Variants in FGGY observed in about 807,000 individuals in gnomAD.
FGGY encodes FGGY carbohydrate kinase domain-containing protein.
A neutral mutation model predicts 71.3 loss-of-function variants in FGGY; 72 were observed. That is an observed-to-expected ratio of 1.01 (90% CI 0.84 to 1.23). The LOEUF is 1.23. Ranked by LOEUF, FGGY falls within the 50% of genes most tolerant of loss-of-function variation. The pLI, the probability that FGGY is intolerant of heterozygous loss-of-function variation, is 0.00. For synonymous variants in FGGY, 251 were observed against 250.3 expected (o/e 1.00, Z -0.02); for missense variants, 668 against 682.3 (o/e 0.98, Z 0.23).
chr1:59,461,675 A>T (rs926978130), intron 6 of FGGY, among the ~76,000 whole-genome samples: 1 of 152,190 alleles, frequency 6.6e-6, no homozygotes, highest in African/African-American at 2.4e-5. Context: ...GAGAAAGGTC[A>T]CATTACCCAC....
At chr1:59,705,912 C>T (rs1048816972) in intron 14 of FGGY, among the ~76,000 whole-genome samples, 1 of 152,154 alleles carries the variant, frequency 6.6e-6, no homozygotes, top group African/African-American at 2.4e-5. Context: ...TTTTTGTAGC[C>T]AAATGGTGGA....
intron 15 of FGGY, among the ~76,000 whole-genome samples, chr1:59,759,976 T>G (rs2101901405): frequency 6.6e-6 from 1 of 152,266 alleles, no homozygotes; most frequent in East Asian, 1.9e-4. Context: ...TTTGGTGCAT[T>G]GAAAGACACT....
chr1:59,735,841 C>A (rs752859140), intron 14 of FGGY, among the ~76,000 whole-genome samples: 1 of 152,136 alleles, frequency 6.6e-6, no homozygotes, highest in Non-Finnish European at 1.5e-5. Context: ...GGAGATGGAA[C>A]TCCTTTCTTA....
intron 1 of FGGY, among the ~76,000 whole-genome samples, chr1:59,317,044 A>C (rs1326645756): frequency 6.6e-6 from 1 of 152,156 alleles, no homozygotes; most frequent in African/African-American, 2.4e-5. Flanking sequence ...TGTACCATGC[A>C]ACTTTAAACA....
chr1:59,428,471 G>A (rs568078963), intron 5 of FGGY, among the ~76,000 whole-genome samples: 1 of 152,198 alleles, frequency 6.6e-6, no homozygotes, highest in Non-Finnish European at 1.5e-5. Context: ...ACAGTAATTA[G>A]ATGCCAGTGT....
At chr1:59,721,337 GTTTTTTT>G (rs71046339) in intron 14 of FGGY, among the ~76,000 whole-genome samples, 1 of 105,376 alleles carries the variant, frequency 9.5e-6, no homozygotes, top group Non-Finnish European at 1.7e-5. Context: ...TCTTTCCTTT[GTTTTTTT>G]TTTTTTTTTT....
intron 13 of FGGY, among the ~76,000 whole-genome samples, chr1:59,669,487 C>T (rs1404631952): frequency 6.8e-6 from 1 of 146,884 alleles, no homozygotes; most frequent in Non-Finnish European, 1.5e-5. Context: ...CTGGCTAGTT[C>T]AGATAACATT....
intron 11 of FGGY, among the ~76,000 whole-genome samples, chr1:59,653,527 C>G (rs547506205): frequency 6.6e-6 from 1 of 152,022 alleles, no homozygotes; most frequent in African/African-American, 2.4e-5. Flanking sequence ...CAGGTGCGTC[C>G]GTCACCCCTT....
At chr1:59,457,781 A>C (rs752036092) in intron 6 of FGGY, among the ~76,000 whole-genome samples, 1 of 152,216 alleles carries the variant, frequency 6.6e-6, no homozygotes, top group Non-Finnish European at 1.5e-5. Flanking sequence ...CAGGTAAAAA[A>C]TAAAGCTAAA....
intron 8 of FGGY, among the ~76,000 whole-genome samples, chr1:59,568,613 C>T (rs377008755): frequency 6.6e-6 from 1 of 152,278 alleles, no homozygotes; most frequent in East Asian, 1.9e-4. Flanking sequence ...AGTTACTACA[C>T]TGTCCGTGTG....
At chr1:59,410,301 A>T (rs2063415041) in intron 5 of FGGY, among the ~76,000 whole-genome samples, 1 of 152,200 alleles carries the variant, frequency 6.6e-6, no homozygotes, top group East Asian at 1.9e-4. Context: ...TAGGCACGGT[A>T]CTTGGTCTTT....
At chr1:59,317,711 A>G (rs549411325) in intron 1 of FGGY, among the ~76,000 whole-genome samples, 1 of 152,306 alleles carries the variant, frequency 6.6e-6, no homozygotes, top group South Asian at 2.1e-4. Context: ...TTCAGGTTCC[A>G]GGTATGGAAA....
At chr1:59,559,118 C>G (rs1387342214) in intron 8 of FGGY, among the ~76,000 whole-genome samples, 2 of 152,050 alleles carry the variant, frequency 1.3e-5, no homozygotes, top group East Asian at 3.9e-4. Flanking sequence ...CAATAGTGGT[C>G]CTGAGGTGAA....
intron 12 of FGGY, among the ~76,000 whole-genome samples, chr1:59,665,157 A>C (rs1361945320): frequency 2.0e-5 from 3 of 152,122 alleles, no homozygotes; most frequent in Non-Finnish European, 4.4e-5. Flanking sequence ...TATTTATAGT[A>C]CTATTTTGTA....
At chr1:59,691,647 T>C (rs1280986001) in intron 14 of FGGY, among the ~76,000 whole-genome samples, 3 of 151,424 alleles carry the variant, frequency 2.0e-5, no homozygotes, top group African/African-American at 4.9e-5. Flanking sequence ...TTTTCTTTTT[T>C]TTTTTTTTTT....
chr1:59,540,539 T>C (rs2095424378), intron 7 of FGGY, among the ~76,000 whole-genome samples: 1 of 152,170 alleles, frequency 6.6e-6, no homozygotes, highest in African/African-American at 2.4e-5. Context: ...TGGACAGTGG[T>C]TATCTCTGGC....
At chr1:59,535,480 A>T (rs1215867007) in intron 7 of FGGY, among the ~76,000 whole-genome samples, 1 of 152,176 alleles carries the variant, frequency 6.6e-6, no homozygotes, top group Non-Finnish European at 1.5e-5. Flanking sequence ...CACCAAGGAG[A>T]CCTAATAGAC....
intron 14 of FGGY, among the ~76,000 whole-genome samples, chr1:59,736,927 A>T (rs2098110903): frequency 1.3e-5 from 2 of 152,214 alleles, no homozygotes; most frequent in Admixed American, 1.3e-4. Flanking sequence ...CTGGAGGCTT[A>T]GGAGGAAAAA....
intron 2 of FGGY, chr1:59,331,727 A>G (rs767530860): frequency 2.0e-5 from 3 of 152,188 alleles, no homozygotes; most frequent in Admixed American, 6.5e-5. Flanking sequence ...TTTTCTCTCC[A>G]TTGTTTTTCC....
Sources: allele counts gnomAD v4.1 joint callset (sites outside exome capture counted in the v4.1 genomes callset), GRCh38; gene constraint gnomAD v4.1.1; transcripts MANE v1.5; gene names NCBI Gene and HGNC (gene_info 2026-07-23, HGNC 2026-07-21).